EYA4: variants seen among roughly 807,000 people sequenced by gnomAD.
The protein encoded by EYA4 is protein phosphatase EYA4.
A neutral mutation model predicts 87.9 loss-of-function variants in EYA4; 31 were observed. The ratio of observed to expected loss-of-function variants is 0.35; its 90% CI spans 0.27 to 0.48. The LOEUF is 0.48. Among genes scored for constraint, EYA4 ranks in the 20% least tolerant of loss-of-function variants. The pLI is 0.99. For synonymous variants in EYA4, 263 were observed against 270.6 expected (o/e 0.97, Z 0.28); for missense variants, 678 against 761.4 (o/e 0.89, Z 1.29).
intron 2 of EYA4, among the ~76,000 whole-genome samples, chr6:133,342,854 A>T (rs1782905484): frequency 6.6e-6 from 1 of 152,096 alleles, no homozygotes; most frequent in Non-Finnish European, 1.5e-5. Flanking sequence ...GCAATATTTT[A>T]AAAATATGGT....
At chr6:133,479,500 GA>G (rs1264862750) in intron 11 of EYA4, among the ~76,000 whole-genome samples, 5 of 152,108 alleles carry the variant, frequency 3.3e-5, no homozygotes, top group African/African-American at 9.6e-5. Flanking sequence ...CTATTTCTCA[GA>G]AAAAGTGATG....
chr6:133,464,667 C>T, intron 9 of EYA4, 112 bp from the exon 10 acceptor site: 1 of 738,394 alleles, frequency 1.4e-6, no homozygotes. Context: ...TCAAATTTCA[C>T]TGTCTTCACG....
chr6:133,385,694 G>A (rs1364112475), intron 3 of EYA4, among the ~76,000 whole-genome samples: 1 of 152,092 alleles, frequency 6.6e-6, no homozygotes, highest in African/African-American at 2.4e-5. Flanking sequence ...GATGGAAAGT[G>A]TTTTTACAGT....
At chr6:133,457,479 G>T (rs552704960) in intron 6 of EYA4, among the ~76,000 whole-genome samples, 1 of 152,148 alleles carries the variant, frequency 6.6e-6, no homozygotes, top group Non-Finnish European at 1.5e-5. Flanking sequence ...ATGTGCTCAT[G>T]TTATAAGGAT....
At chr6:133,312,471 A>G (rs2128335606) in intron 2 of EYA4, among the ~76,000 whole-genome samples, 1 of 152,272 alleles carries the variant, frequency 6.6e-6, no homozygotes, top group South Asian at 2.1e-4. Flanking sequence ...TTTGAATTGC[A>G]GATTCCTATC....
At chr6:133,327,305 T>G (rs114541750) in intron 2 of EYA4, among the ~76,000 whole-genome samples, 429 of 152,128 alleles carry the variant, frequency 2.8e-3, no homozygotes, top group African/African-American at 9.9e-3. Context: ...GCCAGTCTAA[T>G]TTTTTGAGTA....
Position 133,291,033 on chromosome 6 carries a change from T to C in EYA4, c.33+16220T>C, listed in dbSNP as rs192075566. Among the ~76,000 whole-genome samples, 456 of 152,324 alleles carry C rather than the reference T, an allele frequency of 3.0e-3. 1 individual carries two copies. Among genetic ancestry groups the C allele is most frequent in the Non-Finnish European group, 4.7e-3 (322 of 68,018 alleles). On this transcript the variant is annotated intron_variant, in intron 2 of 19. Coordinates refer to ENST00000355286, the MANE Select transcript of EYA4 (RefSeq NM_004100.5). ...CTCAAGCAAAGGTGTGAAAACTTTA[T>C]TTTGCATGTTTGTTTTTCTCCTAGT...
rs75955166 is a variant in EYA4 at position 133,290,342 on chromosome 6, A to G, written c.33+15529A>G. On this transcript the variant is annotated intron_variant, in intron 2 of 19. Coordinates refer to ENST00000355286, the MANE Select transcript of EYA4 (RefSeq NM_004100.5). ...TCCACCCTGACTTGTGCCTTCATCA[A>G]AAAAGTTTGAAATGTTTTCAGTTCA... Among the ~76,000 whole-genome samples, 30 of 152,304 alleles carry G rather than the reference A, an allele frequency of 2.0e-4. 1 individual carries two copies. In the East Asian group the frequency reaches 5.2e-3, roughly 26 times the overall value.
At chr6:133,489,119 T>C (rs1339251565) in intron 13 of EYA4, among the ~76,000 whole-genome samples, 1 of 152,170 alleles carries the variant, frequency 6.6e-6, no homozygotes, top group African/African-American at 2.4e-5. Flanking sequence ...TATTGAAGAA[T>C]GCATGAGTCT....
intron 2 of EYA4, among the ~76,000 whole-genome samples, chr6:133,321,980 A>G (rs554555693): frequency 6.6e-6 from 1 of 152,280 alleles, no homozygotes; most frequent in East Asian, 1.9e-4. Context: ...TGTTTGCCAT[A>G]TTTAAAAGAT....
At chr6:133,445,871 C>T (rs1024400360) in intron 3 of EYA4, among the ~76,000 whole-genome samples, 9 of 152,208 alleles carry the variant, frequency 5.9e-5, no homozygotes, top group Admixed American at 3.3e-4. Context: ...TGAGCCACCG[C>T]GCCCGGCCTC....
intron 2 of EYA4, among the ~76,000 whole-genome samples, chr6:133,346,411 C>T (rs189332094): frequency 7.8e-4 from 118 of 152,218 alleles, no homozygotes; most frequent in African/African-American, 2.4e-3. Context: ...ATGAACAAAC[C>T]TTCTTAAGCA....
At chr6:133,271,005 A>C (rs543780069) in intron 1 of EYA4, among the ~76,000 whole-genome samples, 1 of 152,298 alleles carries the variant, frequency 6.6e-6, no homozygotes, top group South Asian at 2.1e-4. Context: ...CTCTGGAACT[A>C]AGACCTCTAG....
intron 2 of EYA4, among the ~76,000 whole-genome samples, chr6:133,322,075 G>T (rs1332952577): frequency 6.6e-6 from 1 of 152,188 alleles, no homozygotes; most frequent in East Asian, 1.9e-4. Flanking sequence ...TTATGTCAGT[G>T]ATCAAATGTG....
At chr6:133,283,404 A>G (rs1307290815) in intron 2 of EYA4, among the ~76,000 whole-genome samples, 2 of 152,202 alleles carry the variant, frequency 1.3e-5, no homozygotes, top group African/African-American at 2.4e-5. Flanking sequence ...TAATAAATAT[A>G]ATGCAATTTC....
chr6:133,392,387 G>A (rs1022783094), intron 3 of EYA4, among the ~76,000 whole-genome samples: 7 of 151,710 alleles, frequency 4.6e-5, no homozygotes, highest in African/African-American at 1.5e-4. Context: ...CAATAACCTA[G>A]AGCCCAGATT....
chr6:133,498,150 T>G (rs888833276), intron 13 of EYA4, among the ~76,000 whole-genome samples: 1 of 152,184 alleles, frequency 6.6e-6, no homozygotes, highest in Non-Finnish European at 1.5e-5. Flanking sequence ...AAAACCAACA[T>G]GGTTTAATAG....
At chr6:133,397,880 G>T (rs1218826522) in intron 3 of EYA4, among the ~76,000 whole-genome samples, 1 of 152,124 alleles carries the variant, frequency 6.6e-6, no homozygotes, top group African/African-American at 2.4e-5. Flanking sequence ...AACAGCATGG[G>T]AAAGACCTGC....
intron 1 of EYA4, among the ~76,000 whole-genome samples, chr6:133,251,486 A>G (rs1272536823): frequency 2.0e-5 from 3 of 152,234 alleles, no homozygotes; most frequent in African/African-American, 7.2e-5. Flanking sequence ...AAGGAAAGTT[A>G]AAATATTAAT....
Sources: gnomAD v4.1 joint callset for allele counts (sites outside exome capture counted in the v4.1 genomes callset) on GRCh38, gnomAD v4.1.1 for gene constraint, MANE v1.5 for transcripts, NCBI Gene and HGNC (gene_info 2026-07-23, HGNC 2026-07-21) for gene names.